Variants in PDE11A observed in about 807,000 individuals in gnomAD.
PDE11A encodes the protein dual 3',5'-cyclic-AMP and -GMP phosphodiesterase 11A.
PDE11A carries 100 observed loss-of-function variants against 100.5 expected under a neutral mutation model. The ratio of observed to expected loss-of-function variants is 1.00; its 90% CI spans 0.85 to 1.18. The LOEUF is 1.18. PDE11A is among the 50% of genes most tolerant of loss of function. The pLI is 0.00. For synonymous variants in PDE11A, 381 were observed against 420.8 expected (o/e 0.91, Z 1.16); for missense variants, 1,141 against 1,152.6 (o/e 0.99, Z 0.15).
At chr2:178,092,520 T>G (rs2087436067) in intron 2 of PDE11A, 1 of 152,244 alleles carries the variant, frequency 6.6e-6, no homozygotes, top group South Asian at 2.1e-4. Context: ...GTTGCCCATT[T>G]CAAATACTGA....
rs114907050 is a variant in PDE11A, at chr2:177,746,284, T to C, written c.1789-18112A>G. Among the ~76,000 whole-genome samples, 941 of 152,168 alleles carry C rather than the reference T, an allele frequency of 6.2e-3. 5 individuals are homozygous for C. The highest frequency in any genetic ancestry group is 0.022 in the African/African-American group (896 of 41,500). On this transcript the variant is annotated intron_variant, in intron 10 of 19. Transcript: ENST00000286063. Reference sequence around the variant, plus strand: ...GGAAGATTAAGTGGAAGAAATATACTGAAGCATAGAAAGATACAAAAATTT... The same window carrying C: ...GGAAGATTAAGTGGAAGAAATATACCGAAGCATAGAAAGATACAAAAATTT...
intron 14 of PDE11A, among the ~76,000 whole-genome samples, chr2:177,700,643 C>T (rs780467018): frequency 3.9e-5 from 6 of 152,164 alleles, no homozygotes; most frequent in Non-Finnish European, 7.3e-5. Context: ...TAACTGGTCC[C>T]ACCAGCAATT....
intron 10 of PDE11A, among the ~76,000 whole-genome samples, chr2:177,749,134 C>T (rs2105474703): frequency 6.6e-6 from 1 of 152,274 alleles, no homozygotes; most frequent in Admixed American, 6.5e-5. Context: ...CTGCTTTTCC[C>T]ATCAGACACT....
intron 16 of PDE11A, among the ~76,000 whole-genome samples, chr2:177,680,431 G>A (rs576141746): frequency 9.2e-5 from 14 of 152,154 alleles, no homozygotes; most frequent in African/African-American, 2.2e-4. Context: ...TTTTCTATCC[G>A]CAATGCCTAT....
chr2:177,770,117 C>T (rs564640974), intron 9 of PDE11A, among the ~76,000 whole-genome samples: 1 of 152,100 alleles, frequency 6.6e-6, no homozygotes, highest in Non-Finnish European at 1.5e-5. Context: ...ATCTGTGACC[C>T]CTTTTGTAAG....
upstream of PDE11A, chr2:178,073,148 A>G: frequency 1.3e-6 from 1 of 799,616 alleles, no homozygotes; most frequent in African/African-American, 1.9e-5. Flanking sequence ...GGATCTGAAC[A>G]CAGAAGCGGA....
intron 2 of PDE11A, among the ~76,000 whole-genome samples, chr2:177,956,322 C>G (rs2085562322): frequency 1.3e-5 from 2 of 152,290 alleles, no homozygotes; most frequent in East Asian, 3.9e-4. Flanking sequence ...CTCATCATCA[C>G]TGGCCATCAG....
chr2:177,711,829 A>G lies in PDE11A; in HGVS notation c.2093T>C (p.Ile698Thr). ...GAGGTCATGACACAGGCATCCCACA[A>G]TCACCGCTAAAATTTCCACCTCGGT... ...ILTEVEILAV[I>T]VGCLCHDLDH... Residue 698 changes from isoleucine to threonine, a missense_variant, in exon 13 of 20, where the codon ATT becomes ACT. Transcript: ENST00000286063. 2.5e-6 allele frequency: 4 copies of G among 1,613,334 alleles called. No individual in the cohort carries two copies. Among genetic ancestry groups the G allele is most frequent in the Non-Finnish European group, 2.5e-6 (3 of 1,179,306 alleles).
intron 10 of PDE11A, among the ~76,000 whole-genome samples, chr2:177,766,667 A>T (rs376348051): frequency 6.6e-6 from 1 of 152,240 alleles, no homozygotes; most frequent in African/African-American, 2.4e-5. Flanking sequence ...GTCTATGTGC[A>T]GGATTATGTT....
At chr2:177,903,447 T>G (rs1451532154) in intron 3 of PDE11A, among the ~76,000 whole-genome samples, 6 of 152,216 alleles carry the variant, frequency 3.9e-5, no homozygotes, top group Non-Finnish European at 8.8e-5. Context: ...ATTGTTCTCA[T>G]GAATAGTAAG....
chr2:178,069,927 C>A (rs980361976), intron 1 of PDE11A, among the ~76,000 whole-genome samples: 7 of 151,984 alleles, frequency 4.6e-5, no homozygotes. Flanking sequence ...AAGGCTGCAA[C>A]CCTAGGCTGG....
intron 5 of PDE11A, among the ~76,000 whole-genome samples, chr2:177,852,465 A>C (rs2083731131): frequency 1.3e-5 from 2 of 152,162 alleles, no homozygotes; most frequent in South Asian, 4.1e-4. Context: ...GGGTTCACAA[A>C]AAGAAACTGC....
intron 2 of PDE11A, among the ~76,000 whole-genome samples, chr2:177,933,746 G>A (rs1435698741): frequency 6.6e-6 from 1 of 152,062 alleles, no homozygotes; most frequent in East Asian, 1.9e-4. Context: ...TATACTACAA[G>A]GCTATAGTAA....
At chr2:177,704,669 GAGA>G (rs2081252960) in intron 13 of PDE11A, among the ~76,000 whole-genome samples, 1 of 152,170 alleles carries the variant, frequency 6.6e-6, no homozygotes, top group Non-Finnish European at 1.5e-5. Flanking sequence ...ATGGCATTAA[GAGA>G]AGAAGTAAAA....
rs2082983699 is a variant in PDE11A, at chr2:177,813,532, G to A, written c.1737+3297C>T. The stretch of plus-strand genomic sequence containing the variant: ...TTAGAGACTGTACTCTGCCCCATTT[G>A]TGAGAATTATTAGTCTTTCCAGGGA... On this transcript the variant is annotated intron_variant, in intron 9 of 19. Coordinates refer to ENST00000286063, the MANE Select transcript of PDE11A (RefSeq NM_016953.4). Among the ~76,000 whole-genome samples the A allele has an allele frequency of 7.2e-5, 11 of 152,228 alleles. No individual in the cohort carries two copies. The South Asian group carries it at 2.3e-3, about 32-fold the overall frequency.
At chr2:178,096,669 T>G (rs2087496111) in intron 2 of PDE11A, among the ~76,000 whole-genome samples, 1 of 152,204 alleles carries the variant, frequency 6.6e-6, no homozygotes, top group African/African-American at 2.4e-5. Flanking sequence ...ATAGCAACAG[T>G]GACATTTACT....
At chr2:177,846,056 A>G (rs1355832432) in intron 5 of PDE11A, among the ~76,000 whole-genome samples, 2 of 151,902 alleles carry the variant, frequency 1.3e-5, no homozygotes, top group Non-Finnish European at 2.9e-5. Flanking sequence ...AGGGAGAGGG[A>G]GAGGGAGAGG....
At chr2:177,702,792 T>C (rs1437915898) in intron 13 of PDE11A, 1 of 152,156 alleles carries the variant, frequency 6.6e-6, no homozygotes, top group South Asian at 2.1e-4. Context: ...TAATGTAAAA[T>C]ATCGGAATTA....
chr2:177,857,928 G>T (rs1032619523), intron 5 of PDE11A, among the ~76,000 whole-genome samples: 9 of 151,774 alleles, frequency 5.9e-5, no homozygotes, highest in Non-Finnish European at 4.4e-5. Flanking sequence ...TTTAAAAAAC[G>T]GTTACTAGAG....
Sources: allele counts gnomAD v4.1 joint callset (sites outside exome capture counted in the v4.1 genomes callset), GRCh38; gene constraint gnomAD v4.1.1; transcripts MANE v1.5; gene names NCBI Gene and HGNC (gene_info 2026-07-23, HGNC 2026-07-21).